The following EYA2 variants were observed in gnomAD, a reference collection of about 807,000 sequenced individuals.
EYA2 encodes EYA transcriptional coactivator and phosphatase 2.
In EYA2, 31 loss-of-function variants were observed where a neutral mutation model predicts 69.2. The ratio of observed to expected loss-of-function variants is 0.45; its 90% CI spans 0.34 to 0.60. The LOEUF (loss-of-function observed/expected upper bound fraction) is 0.60. Among genes scored for constraint, EYA2 ranks in the 20% least tolerant of loss-of-function variants. The pLI is 0.02. For synonymous variants in EYA2, 257 were observed against 279.4 expected (o/e 0.92, Z 0.80); for missense variants, 622 against 701.2 (o/e 0.89, Z 1.28).
At chr20:47,180,770 T>C in intron 13 of EYA2, 45 bp from the exon 14 acceptor site, 1 of 1,603,126 alleles carries the variant, frequency 6.2e-7, no homozygotes, top group Non-Finnish European at 8.5e-7. Flanking sequence ...AGGCCTGGCC[T>C]TGTGGTCCCT....
At chr20:46,988,480 CCA>C (rs2146325825) in intron 1 of EYA2, among the ~76,000 whole-genome samples, 1 of 152,248 alleles carries the variant, frequency 6.6e-6, no homozygotes, top group Admixed American at 6.5e-5. Flanking sequence ...AAGCACCACA[CCA>C]GCGATCGCTA....
At chr20:47,010,275 G>C (rs1447882553) in intron 4 of EYA2, among the ~76,000 whole-genome samples, 1 of 152,162 alleles carries the variant, frequency 6.6e-6, no homozygotes, top group Non-Finnish European at 1.5e-5. Flanking sequence ...TATTTCTGTG[G>C]GCTGGCCAGT....
chr20:46,953,269 G>T (rs1412727968), intron 1 of EYA2, among the ~76,000 whole-genome samples: 2 of 152,108 alleles, frequency 1.3e-5, no homozygotes, highest in Non-Finnish European at 2.9e-5. Context: ...GGGGATGCTG[G>T]GGTCTGAGGG....
chr20:47,109,333 G>T (rs999194319), intron 9 of EYA2, among the ~76,000 whole-genome samples: 2 of 152,070 alleles, frequency 1.3e-5, no homozygotes, highest in South Asian at 2.1e-4. Context: ...TCCACACAAG[G>T]CCCCTTTCTT....
chr20:47,169,224 C>G (rs780166762), intron 11 of EYA2, 27 bp downstream of exon 11: 9 of 1,603,886 alleles, frequency 5.6e-6, no homozygotes, highest in Non-Finnish European at 7.7e-6. Flanking sequence ...TCAAAAATGC[C>G]CATTGATTGA....
intron 12 of EYA2, among the ~76,000 whole-genome samples, chr20:47,175,370 G>A (rs1387896589): frequency 6.6e-6 from 1 of 152,342 alleles, no homozygotes; most frequent in Middle Eastern, 3.4e-3. Context: ...GCCTTAGCCT[G>A]ATGTCATCCT....
chr20:46,990,528 A>G (rs1169838873), intron 2 of EYA2, among the ~76,000 whole-genome samples: 1 of 152,204 alleles, frequency 6.6e-6, no homozygotes, highest in Non-Finnish European at 1.5e-5. Flanking sequence ...CAGGGGTTTG[A>G]CATTAGGGCA....
intron 5 of EYA2, among the ~76,000 whole-genome samples, chr20:47,017,414 C>T (rs1201397675): frequency 7.9e-5 from 12 of 152,206 alleles, no homozygotes; most frequent in Admixed American, 1.3e-4. Flanking sequence ...CACAGCTGTG[C>T]GCTGCTGTAC....
intron 7 of EYA2, among the ~76,000 whole-genome samples, chr20:47,078,327 G>GCACACACACACACACACACA (rs1249113834): frequency 3.8e-5 from 3 of 78,098 alleles, no homozygotes; most frequent in East Asian, 5.9e-4. Context: ...GTGCGCGCGC[G>GCACACACACACACACACACA]CGCGCACACA....
intron 4 of EYA2, among the ~76,000 whole-genome samples, chr20:47,012,747 G>A (rs1415436168): frequency 6.6e-6 from 1 of 152,180 alleles, no homozygotes; most frequent in Non-Finnish European, 1.5e-5. Context: ...ACCCACCTCA[G>A]CCTCCCAAAG....
intron 5 of EYA2, among the ~76,000 whole-genome samples, chr20:47,057,512 C>CT (rs368422442): frequency 0.012 from 1,445 of 124,528 alleles, 54 homozygotes; most frequent in African/African-American, 0.055. Context: ...TTTATATCAC[C>CT]CCCCCCCCCC....
rs2032602175 is a variant in EYA2, at chr20:47,107,021, A to C, written c.888+9853A>C. Among the ~76,000 whole-genome samples, 2 of 152,186 alleles carry C rather than the reference A, an allele frequency of 1.3e-5. 1 individual carries two copies. The highest frequency in any genetic ancestry group is 2.9e-5 in the Non-Finnish European group (2 of 68,030). The stretch of plus-strand genomic sequence containing the variant: ...GATGGGAGGCACAACAAACCCGTGA[A>C]TCAACCCACCAAGATACCATTAGTG... On this transcript the variant is annotated intron_variant, in intron 9 of 15. Coordinates refer to ENST00000327619, the MANE Select transcript of EYA2 (RefSeq NM_005244.5).
intron 1 of EYA2, among the ~76,000 whole-genome samples, chr20:46,989,230 T>TA (rs1430451283): frequency 6.6e-6 from 1 of 152,150 alleles, no homozygotes; most frequent in Non-Finnish European, 1.5e-5. Context: ...TAATGACACT[T>TA]ACGCCTTTTG....
intron 5 of EYA2, among the ~76,000 whole-genome samples, chr20:47,035,551 A>G (rs964465194): frequency 6.6e-6 from 1 of 152,040 alleles, no homozygotes; most frequent in Admixed American, 6.6e-5. Context: ...TCCAGCGTGC[A>G]CCTCTGTTCT....
intron 9 of EYA2, chr20:47,117,299 C>T (rs934008229): frequency 1.4e-5 from 13 of 900,562 alleles, no homozygotes; most frequent in East Asian, 1.2e-4. Flanking sequence ...CATGAGCCAC[C>T]GCACCCAGCC....
intron 9 of EYA2, among the ~76,000 whole-genome samples, chr20:47,121,674 C>T (rs2033048488): frequency 6.6e-6 from 1 of 152,190 alleles, no homozygotes; most frequent in African/African-American, 2.4e-5. Context: ...ATAAATCTCT[C>T]TCCCCATGCA....
At chr20:47,014,749 T>C (rs564932175) in intron 4 of EYA2, among the ~76,000 whole-genome samples, 1 of 151,758 alleles carries the variant, frequency 6.6e-6, no homozygotes, top group Non-Finnish European at 1.5e-5. Flanking sequence ...ATTTTCTGCA[T>C]GTATATATGT....
intron 5 of EYA2, among the ~76,000 whole-genome samples, chr20:47,052,128 G>T (rs2030373750): frequency 6.6e-6 from 1 of 152,126 alleles, no homozygotes; most frequent in Non-Finnish European, 1.5e-5. Flanking sequence ...GACAGCCTCT[G>T]CTCCCATGGG....
At chr20:47,147,346 G>A (rs1198856085) in intron 10 of EYA2, among the ~76,000 whole-genome samples, 4 of 152,110 alleles carry the variant, frequency 2.6e-5, no homozygotes, top group East Asian at 1.9e-4. Flanking sequence ...GTGAGCCACC[G>A]CACCCAGGCT....
Sources: gnomAD v4.1 joint callset for allele counts (sites outside exome capture counted in the v4.1 genomes callset) on GRCh38, gnomAD v4.1.1 for gene constraint, MANE v1.5 for transcripts, NCBI Gene and HGNC (gene_info 2026-07-23, HGNC 2026-07-21) for gene names.